MYH9: variants seen among roughly 807,000 people sequenced by gnomAD.
MYH9 encodes myosin heavy chain 9.
A neutral mutation model predicts 241.9 loss-of-function variants in MYH9; 29 were observed. The ratio of observed to expected loss-of-function variants is 0.12; its 90% CI spans 0.09 to 0.16. The LOEUF (loss-of-function observed/expected upper bound fraction) is 0.16. MYH9 is among the 10% of genes least tolerant of loss of function. The pLI, the probability that MYH9 is intolerant of heterozygous loss-of-function variation, is 1.00. For synonymous variants in MYH9, 1,047 were observed against 1,062.6 expected, an observed-to-expected ratio of 0.99 and a Z score of 0.29; for missense variants, 1,803 against 2,595.5, an observed-to-expected ratio of 0.69 and a Z score of 6.63.
At position 36,349,061 on chromosome 22, in the gene MYH9, A is replaced by G; in HGVS notation, c.176T>C (p.Val59Ala). 1 of 1,614,080 alleles carries G rather than the reference A, an allele frequency of 6.2e-7. No homozygotes were observed. The highest frequency in any genetic ancestry group is 8.5e-7 in the Non-Finnish European group (1 of 1,180,018). Residue 59 changes from valine to alanine, a missense_variant, in exon 2 of 41, where the codon GTG (valine) becomes GCG (alanine). Physicochemically the swap from Val to Ala is moderately conservative, Grantham distance 64 (BLOSUM62 0). Coordinates refer to ENST00000216181, the MANE Select transcript of MYH9 (RefSeq NM_002473.6). ...CACCTTCACCTTCTTCCCATTCTCC[A>G]CCAGCTCCACGATGGCCTCTTCGCC... ...EVGEEAIVEL[V>A]ENGKKVKVNK...
At position 36,293,843 on chromosome 22, in the gene MYH9, G is replaced by A. The variant is rs746065907; in HGVS notation, c.3858C>T (p.Thr1286=). ...TKLQVELDNV[T]GLLSQSDSKS... ...TGCTGTCGGACTGGCTGAGAAGCCCGGTCACGTTGTCCAGCTCCACCTGCA... is the reference window on the plus strand; with the variant it reads ...TGCTGTCGGACTGGCTGAGAAGCCCAGTCACGTTGTCCAGCTCCACCTGCA... Residue 1286 remains threonine (T), a synonymous_variant, in exon 29 of 41, where the codon ACC becomes ACT. Coordinates refer to ENST00000216181, the MANE Select transcript of MYH9 (RefSeq NM_002473.6). The surrounding 1 kb of genome is among the most constrained non-coding windows in gnomAD (Gnocchi z 5.1). 2.2e-5 allele frequency: 36 copies of A among 1,613,400 alleles called. No homozygotes were observed. The South Asian group carries it at 2.3e-4, about 10-fold the overall frequency.
chr22:36,282,847 AC>A, intron 40 of MYH9, 62 bp from the exon 41 acceptor site: 1 of 1,380,868 alleles, frequency 7.2e-7, no homozygotes, highest in Non-Finnish European at 1.0e-6. Flanking sequence ...CGGCCACAGC[AC>A]AGCCCACACA....
intron 3 of MYH9, among the ~76,000 whole-genome samples, chr22:36,331,629 C>T (rs144800568): frequency 0.011 from 1,730 of 152,310 alleles, 17 homozygotes; most frequent in Middle Eastern, 0.031. Context: ...CCACGAGGCT[C>T]GCAGAGCGGT....
chr22:36,364,096 C>T (rs1158377819), intron 1 of MYH9, among the ~76,000 whole-genome samples: 1 of 152,200 alleles, frequency 6.6e-6, no homozygotes, highest in Non-Finnish European at 1.5e-5. Context: ...GTCCACATCA[C>T]GACTGCTGAG....
At chr22:36,284,774 G>A (rs953609819) in intron 38 of MYH9, among the ~76,000 whole-genome samples, 1 of 152,158 alleles carries the variant, frequency 6.6e-6, no homozygotes, top group Non-Finnish European at 1.5e-5. Context: ...AGGTCTGGGG[G>A]CCTACTGTAA....
intron 5 of MYH9, among the ~76,000 whole-genome samples, 176 bp from the exon 6 acceptor site, chr22:36,322,697 T>C (rs528145635): frequency 2.0e-5 from 3 of 152,334 alleles, no homozygotes; most frequent in Admixed American, 6.5e-5. Context: ...CCCGGTATCA[T>C]CCAAGTGCGG....
intron 3 of MYH9, among the ~76,000 whole-genome samples, chr22:36,333,952 G>T (rs1419291846): frequency 6.6e-6 from 1 of 152,068 alleles, no homozygotes; most frequent in Non-Finnish European, 1.5e-5. Flanking sequence ...CAGGGGATGG[G>T]GAGCAGAAAC....
intron 11 of MYH9, 143 bp from the exon 12 acceptor site, chr22:36,316,812 T>C: frequency 5.8e-6 from 5 of 859,056 alleles, no homozygotes; most frequent in East Asian, 2.7e-5. Context: ...AAAATCTTCG[T>C]ACACAAATAT....
At chr22:36,326,961 T>G (rs1040927338) in intron 4 of MYH9, among the ~76,000 whole-genome samples, 1 of 152,236 alleles carries the variant, frequency 6.6e-6, no homozygotes, top group African/African-American at 2.4e-5. Context: ...GCTGTGGACT[T>G]AGGGGTCAAA....
Position 36,300,512 on chromosome 22 carries a change from GT to G in MYH9, c.2839-249del, listed in dbSNP as rs934647455. ...CACAGGGCCAGAACATCGGTGCAAT[GT>G]TCTGAAGGGTTTCCTGCAGCAAGCT... is the stretch of plus-strand genomic sequence containing the variant. On this transcript the variant is annotated intron_variant, in intron 22 of 40. Transcript: ENST00000216181. This position sits in a 1 kb window ranked among gnomAD's most constrained non-coding sequence, Gnocchi z 5.0. 6.6e-6 allele frequency among the ~76,000 whole-genome samples: 1 copy of G among 152,246 alleles called. No homozygotes were observed. Among genetic ancestry groups the G allele is most frequent in the African/African-American group, 2.4e-5 (1 of 41,456 alleles).
At chr22:36,348,124 ATATTT>A (rs1356495646) in intron 2 of MYH9, among the ~76,000 whole-genome samples, 4 of 148,298 alleles carry the variant, frequency 2.7e-5, no homozygotes, top group African/African-American at 9.8e-5. Flanking sequence ...AATAATTAAG[ATATTT>A]TATTTAAAAA....
intron 2 of MYH9, among the ~76,000 whole-genome samples, chr22:36,348,561 T>C (rs2017715585): frequency 6.6e-6 from 1 of 151,540 alleles, no homozygotes; most frequent in African/African-American, 2.4e-5. Flanking sequence ...AGAAGGAATC[T>C]ACAACATTGA....
chr22:36,283,474 T>C (rs1035489572), intron 40 of MYH9, among the ~76,000 whole-genome samples: 5 of 149,180 alleles, frequency 3.4e-5, no homozygotes, highest in Non-Finnish European at 3.0e-5. Context: ...GAGGCAGAGG[T>C]TGCAGCAAGC....
chr22:36,296,708 T>G, intron 25 of MYH9, 135 bp downstream of exon 25: 24 of 1,023,140 alleles, frequency 2.3e-5, no homozygotes, highest in Non-Finnish European at 3.0e-5. Context: ...TGTTTTGCTA[T>G]GAAATAAATG....
chr22:36,285,246 C>A lies in MYH9; in HGVS notation c.5358G>T (p.Gln1786His), dbSNP rs768683494. 6.2e-7 allele frequency: 1 copy of A among 1,614,210 alleles called. No individual in the cohort carries two copies. ...NENARQQLER[Q>H]NKELKVKLQE... ...GCAGCTTGACCTTAAGCTCCTTGTTCTGGCGTTCCAGCTGCTGCCGAGCAT... is the reference window on the plus strand; with the variant it reads ...GCAGCTTGACCTTAAGCTCCTTGTTATGGCGTTCCAGCTGCTGCCGAGCAT... The change falls in exon 38 of 41, where the codon CAG (glutamine) becomes CAT (histidine). Residue 1786 changes from glutamine (Q) to histidine (H), a missense_variant. By Grantham distance (24) the Gln-to-His change is conservative. Around this residue, in one of 11 missense-constraint regions of MYH9, gnomAD observed 876 missense variants for 1,077.8 expected, o/e 0.81. Coordinates refer to ENST00000216181, the MANE Select transcript of MYH9 (RefSeq NM_002473.6). The surrounding 1 kb of genome is among the most constrained non-coding windows in gnomAD (Gnocchi z 7.0).
chr22:36,344,908 A>C (rs549449131), intron 2 of MYH9, among the ~76,000 whole-genome samples: 2 of 152,322 alleles, frequency 1.3e-5, no homozygotes, highest in Admixed American at 1.3e-4. Context: ...GGCACCAATA[A>C]AGAGCCAAGG....
At position 36,282,556 on chromosome 22, in the gene MYH9, A is replaced by C. The variant is rs1446980541; in HGVS notation, c.*112T>G. On this transcript the variant is annotated 3_prime_UTR_variant, in exon 41 of 41. Coordinates refer to ENST00000216181, the MANE Select transcript of MYH9 (RefSeq NM_002473.6). ...GGGGGACGGGGCGGAGGGCAGGAGG[A>C]GGCATGTTCACAGCAGTCCCAAGAA... The C allele has an allele frequency of 2.1e-5, 21 of 990,286 alleles. No homozygotes were observed. The highest frequency in any genetic ancestry group is 3.4e-5 in the Non-Finnish European group (21 of 621,710). The allele number at this position is 990,286 out of a possible 1,614,324, so 61.3% of individuals were successfully genotyped here. A position where few individuals can be genotyped will look rare whatever the true frequency, so the allele number is the denominator to read the frequency against.
At chr22:36,386,025 G>A (rs1275677776) in intron 1 of MYH9, among the ~76,000 whole-genome samples, 1 of 152,180 alleles carries the variant, frequency 6.6e-6, no homozygotes, top group Non-Finnish European at 1.5e-5. Flanking sequence ...ATCACAGGCT[G>A]CCTTTGTATT....
At chr22:36,349,500 T>G (rs2017733704) in intron 1 of MYH9, among the ~76,000 whole-genome samples, 1 of 152,060 alleles carries the variant, frequency 6.6e-6, no homozygotes, top group Non-Finnish European at 1.5e-5. Flanking sequence ...GAGGCCAAGG[T>G]AGGCATATCA....
Sources: allele counts gnomAD v4.1 joint callset (sites outside exome capture counted in the v4.1 genomes callset), GRCh38; gene constraint gnomAD v4.1.1; regional missense constraint gnomAD v4.1.1; non-coding constraint Gnocchi (gnomAD v3.1); transcripts MANE v1.5; gene names NCBI Gene and HGNC (gene_info 2026-07-23, HGNC 2026-07-21).